CSMD1: variants seen among roughly 807,000 people sequenced by gnomAD.
The protein encoded by CSMD1 is CUB and sushi domain-containing protein 1.
In CSMD1, 213 loss-of-function variants were observed where a neutral mutation model predicts 417.5. That is an observed-to-expected ratio of 0.51 (90% confidence interval 0.46 to 0.57). CSMD1 has a LOEUF of 0.57. CSMD1 is among the 20% of genes least tolerant of loss of function. The pLI is 0.00. For synonymous variants in CSMD1, 2,862 were observed against 1,736.8 expected, an observed-to-expected ratio of 1.65 and a Z score of -16.11; for missense variants, 6,923 against 4,529.7, an observed-to-expected ratio of 1.53 and a Z score of -15.17.
intron 4 of CSMD1, among the ~76,000 whole-genome samples, chr8:4,025,187 G>T (rs1038180057): frequency 6.6e-6 from 1 of 152,190 alleles, no homozygotes; most frequent in Non-Finnish European, 1.5e-5. Context: ...CCCCCTCCTG[G>T]GGGAGTGTTC....
intron 42 of CSMD1, among the ~76,000 whole-genome samples, chr8:3,114,830 C>G (rs1446706572): frequency 6.6e-6 from 1 of 152,106 alleles, no homozygotes; most frequent in Non-Finnish European, 1.5e-5. Flanking sequence ...GCTTGCATTT[C>G]TCATGTCAAT....
At chr8:3,402,664 G>C (rs1261498118) in intron 15 of CSMD1, among the ~76,000 whole-genome samples, 1 of 152,048 alleles carries the variant, frequency 6.6e-6, no homozygotes, top group Non-Finnish European at 1.5e-5. Flanking sequence ...TTTATGGTAT[G>C]GATAATTTCT....
intron 3 of CSMD1, among the ~76,000 whole-genome samples, chr8:4,137,980 C>G (rs1279769137): frequency 1.3e-5 from 2 of 149,914 alleles, no homozygotes; most frequent in East Asian, 3.9e-4. Context: ...TCGGTTCACG[C>G]CATTCTCCCG....
intron 3 of CSMD1, among the ~76,000 whole-genome samples, chr8:4,136,294 T>G (rs1340638574): frequency 1.3e-5 from 2 of 152,210 alleles, no homozygotes; most frequent in South Asian, 4.1e-4. Context: ...GGGACCATCT[T>G]TTTTTAGCTT....
At chr8:4,980,723 C>A (rs1050636225) in intron 1 of CSMD1, among the ~76,000 whole-genome samples, 1 of 151,986 alleles carries the variant, frequency 6.6e-6, no homozygotes, top group African/African-American at 2.4e-5. Flanking sequence ...GACAACAGGA[C>A]AAGACCCTGT....
At chr8:3,893,321 C>G (rs1318113167) in intron 5 of CSMD1, among the ~76,000 whole-genome samples, 1 of 58,012 alleles carries the variant, frequency 1.7e-5, no homozygotes, top group Non-Finnish European at 4.2e-5. Context: ...ATGTCCCAAA[C>G]TAATAATATT....
intron 10 of CSMD1, among the ~76,000 whole-genome samples, chr8:3,523,019 A>C (rs979775289): frequency 4.2e-5 from 6 of 141,328 alleles, no homozygotes; most frequent in South Asian, 2.2e-4. Context: ...ACACACCCAC[A>C]CACACACACA....
chr8:3,792,613 G>C (rs894668508), intron 5 of CSMD1, among the ~76,000 whole-genome samples: 1 of 152,076 alleles, frequency 6.6e-6, no homozygotes, highest in Non-Finnish European at 1.5e-5. Flanking sequence ...TTCACCCTCA[G>C]ACAAATCATG....
At chr8:3,761,425 A>T (rs1368494671) in intron 5 of CSMD1, among the ~76,000 whole-genome samples, 1 of 152,104 alleles carries the variant, frequency 6.6e-6, no homozygotes, top group Non-Finnish European at 1.5e-5. Context: ...AAATAAAATA[A>T]AAAAACCCAT....
At chr8:4,531,392 C>A (rs1473356088) in intron 2 of CSMD1, among the ~76,000 whole-genome samples, 2 of 152,160 alleles carry the variant, frequency 1.3e-5, no homozygotes, top group Non-Finnish European at 2.9e-5. Flanking sequence ...GTCTTGAAGT[C>A]AGATGATTTG....
intron 22 of CSMD1, among the ~76,000 whole-genome samples, chr8:3,346,551 T>G (rs535988182): frequency 9.8e-5 from 15 of 152,304 alleles, no homozygotes; most frequent in African/African-American, 3.6e-4. Flanking sequence ...AAAGAACAAC[T>G]AGAATAAAAC....
chr8:3,592,929 G>T (rs146451316), intron 8 of CSMD1, among the ~76,000 whole-genome samples: 242 of 152,094 alleles, frequency 1.6e-3, no homozygotes, highest in African/African-American at 5.1e-3. Context: ...GTGTGGAATC[G>T]ATGAGTTGCC....
chr8:3,374,610 T>C (rs1042942190), intron 18 of CSMD1, among the ~76,000 whole-genome samples: 1 of 152,150 alleles, frequency 6.6e-6, no homozygotes, highest in Non-Finnish European at 1.5e-5. Flanking sequence ...TCCTGGCAAA[T>C]GTCCACTCCC....
intron 1 of CSMD1, among the ~76,000 whole-genome samples, chr8:4,968,295 T>A (rs1407485340): frequency 6.6e-6 from 1 of 152,216 alleles, no homozygotes; most frequent in Admixed American, 6.5e-5. Flanking sequence ...CAGTTATAAG[T>A]GTACAATTCA....
intron 2 of CSMD1, among the ~76,000 whole-genome samples, chr8:4,529,077 G>C (rs766290446): frequency 1.3e-5 from 2 of 152,146 alleles, no homozygotes; most frequent in Admixed American, 6.5e-5. Context: ...AAGTTGATCA[G>C]AGGATAAAGA....
intron 23 of CSMD1, among the ~76,000 whole-genome samples, chr8:3,333,526 T>C (rs1003976304): frequency 6.6e-6 from 1 of 152,226 alleles, no homozygotes; most frequent in African/African-American, 2.4e-5. Context: ...ACAAATGATA[T>C]ATAGATACTG....
At chr8:4,542,013 G>A (rs898862604) in intron 2 of CSMD1, among the ~76,000 whole-genome samples, 3 of 152,112 alleles carry the variant, frequency 2.0e-5, no homozygotes, top group African/African-American at 4.8e-5. Context: ...ACACTCTGTT[G>A]CCAATTGAAG....
intron 5 of CSMD1, among the ~76,000 whole-genome samples, chr8:3,954,662 G>A (rs1487412522): frequency 3.9e-5 from 6 of 152,152 alleles, no homozygotes; most frequent in Non-Finnish European, 7.4e-5. Flanking sequence ...GCACCTGGCC[G>A]GATCCCAGGA....
chr8:3,237,297 C>T lies in CSMD1; in HGVS notation c.4154-7066G>A, dbSNP rs186974693. Among the ~76,000 whole-genome samples the T allele has an allele frequency of 2.4e-3, 359 of 151,780 alleles. 1 individual carries two copies. Among genetic ancestry groups the T allele is most frequent in the Admixed American group, 3.7e-3 (57 of 15,202 alleles). ...TCTGACCAACATGGTGAAACCCTGTCTGTACTAAAGATACAAAATATTAGC... is the reference window on the plus strand; with the variant it reads ...TCTGACCAACATGGTGAAACCCTGTTTGTACTAAAGATACAAAATATTAGC... On this transcript the variant is annotated intron_variant, in intron 26 of 69. Transcript: ENST00000635120.
Sources: gnomAD v4.1 joint callset for allele counts (sites outside exome capture counted in the v4.1 genomes callset) on GRCh38, gnomAD v4.1.1 for gene constraint, MANE v1.5 for transcripts, NCBI Gene and HGNC (gene_info 2026-07-23, HGNC 2026-07-21) for gene names.